PLBD1: variants seen among roughly 807,000 people sequenced by gnomAD.
PLBD1 encodes phospholipase B domain containing 1.
Under a neutral mutation model 63.0 loss-of-function variants are expected in PLBD1, and 60 were observed. The observed-to-expected ratio is 0.95, with a 90% CI of 0.77 to 1.18. The LOEUF (loss-of-function observed/expected upper bound fraction) is 1.18, where lower values mean the gene tolerates loss of function less well. Among genes scored for constraint, PLBD1 ranks in the 50% most tolerant of loss-of-function variants. PLBD1 has a pLI of 0.00. For synonymous variants in PLBD1, 262 were observed against 248.0 expected, an observed-to-expected ratio of 1.06 and a Z score of -0.53; for missense variants, 598 against 677.9, an observed-to-expected ratio of 0.88 and a Z score of 1.31.
At chr12:14,541,255 T>C (rs1409293856) in intron 3 of PLBD1, among the ~76,000 whole-genome samples, 2 of 152,308 alleles carry the variant, frequency 1.3e-5, no homozygotes, top group South Asian at 2.1e-4. Context: ...TAAAGGTAGG[T>C]TGATTCACCT....
In PLBD1 at chr12:14,564,099, G is replaced by C. The variant is rs1945763257; in HGVS notation, c.115+3483C>G. ...TACAAATAATTTTTTTTTTTAATTA[G>C]CCAAGTGTGGTGGTGTGCACCTGTA... On this transcript the variant is annotated intron_variant, in intron 1 of 10. Transcript: ENST00000240617. Among the ~76,000 whole-genome samples, 6 of 151,918 alleles carry C rather than the reference G, an allele frequency of 3.9e-5. No individual in the cohort carries two copies. The South Asian group carries it at 1.2e-3, about 32-fold the overall frequency.
At chr12:14,511,465 C>A (rs368743830) in intron 7 of PLBD1, 46 bp downstream of exon 7, 3 of 1,613,704 alleles carry the variant, frequency 1.9e-6, no homozygotes, top group Admixed American at 1.7e-5. Flanking sequence ...AAGCCTAAAT[C>A]AAAATATATG....
chr12:14,504,057 C>CTT, intron 10 of PLBD1, 103 bp from the exon 11 acceptor site: 2 of 1,148,794 alleles, frequency 1.7e-6, no homozygotes, highest in Non-Finnish European at 2.5e-6. Context: ...ACAATATTAG[C>CTT]TTTTTTTTTG....
chr12:14,566,021 C>A (rs991832296), intron 1 of PLBD1, among the ~76,000 whole-genome samples: 18 of 152,148 alleles, frequency 1.2e-4, no homozygotes, highest in Admixed American at 1.2e-3. Context: ...AGAAAAACAA[C>A]GCCTGTCTCA....
rs889746740 is a variant in PLBD1, at chr12:14,505,830, T to C, written c.1479+332A>G. Among the ~76,000 whole-genome samples, 5 of 152,340 alleles carry C rather than the reference T, an allele frequency of 3.3e-5. No homozygotes were observed. In the East Asian group the frequency reaches 9.6e-4, roughly 29 times the overall value. ...AATAACATCATTATGGTTGTATACA[T>C]TTACAAATAACTCACTAAGTGCTGT... is the stretch of plus-strand genomic sequence containing the variant. On this transcript the variant is annotated intron_variant, in intron 10 of 10. Transcript: ENST00000240617.
chr12:14,521,289 A>G (rs536375792), intron 6 of PLBD1, among the ~76,000 whole-genome samples: 55 of 152,222 alleles, frequency 3.6e-4, no homozygotes, highest in African/African-American at 1.3e-3. Context: ...GATCCTACCC[A>G]GCAGGAAGGC....
intron 2 of PLBD1, among the ~76,000 whole-genome samples, chr12:14,543,855 C>A (rs955515056): frequency 2.0e-5 from 3 of 152,044 alleles, no homozygotes; most frequent in African/African-American, 7.2e-5. Flanking sequence ...AAAGTATATC[C>A]TCTAACAGTT....
chr12:14,528,133 T>C (rs1239411494), intron 6 of PLBD1, among the ~76,000 whole-genome samples: 1 of 152,050 alleles, frequency 6.6e-6, no homozygotes, highest in Non-Finnish European at 1.5e-5. Flanking sequence ...AATTAATAAT[T>C]ATAGTGGAGG....
intron 6 of PLBD1, among the ~76,000 whole-genome samples, chr12:14,526,421 A>G (rs1945415910): frequency 6.6e-6 from 1 of 152,204 alleles, no homozygotes; most frequent in South Asian, 2.1e-4. Flanking sequence ...ATCTAGAAAG[A>G]CTTGGTAATG....
At position 14,553,382 on chromosome 12, in the gene PLBD1, G is replaced by A. The variant is rs1374422027; in HGVS notation, c.146C>T (p.Pro49Leu). The change falls in exon 2 of 11, where the codon CCT becomes CTT. Residue 49 changes from proline (P) to leucine (L), a missense_variant. Transcript: ENST00000240617. Reference sequence around the variant, plus strand: ...TTTGACTTGTACTGTCTTTTCAGCAGGCATCCAGTATGCAGTTGCATAGTA... The same window carrying A: ...TTTGACTTGTACTGTCTTTTCAGCAAGCATCCAGTATGCAGTTGCATAGTA... ...GVYYATAYWM[P>L]AEKTVQVKNV... 3 of 1,614,024 alleles carry A rather than the reference G, an allele frequency of 1.9e-6. No individual in the cohort carries two copies. Among genetic ancestry groups the A allele is most frequent in the African/African-American group, 2.7e-5 (2 of 74,910 alleles).
Position 14,531,835 on chromosome 12 carries a change from G to T in PLBD1, c.844+3824C>A, listed in dbSNP as rs187720815. The stretch of plus-strand genomic sequence containing the variant: ...TTTTGCAGAGACGGGCTCTTGCCAT[G>T]TTGCCCAGGTCTCAAACTCCTGAGC... On this transcript the variant is annotated intron_variant, in intron 6 of 10. Transcript: ENST00000240617. Among the ~76,000 whole-genome samples, 3 of 152,186 alleles carry T rather than the reference G, an allele frequency of 2.0e-5. No homozygotes were observed. In the East Asian group the frequency reaches 5.8e-4, roughly 29 times the overall value.
At position 14,542,198 on chromosome 12, in the gene PLBD1, T is replaced by C. The variant is rs1945577889; in HGVS notation, c.419+10A>G. The C allele has an allele frequency of 6.3e-7, 1 of 1,576,920 alleles. No individual in the cohort carries two copies. The highest frequency in any genetic ancestry group is 8.7e-7 in the Non-Finnish European group (1 of 1,146,210). On this transcript the variant is annotated intron_variant, in intron 3 of 10. Coordinates refer to ENST00000240617, the MANE Select transcript of PLBD1 (RefSeq NM_024829.6). ...TAAAACAATGAAAAGAGAAAAGCTA[T>C]TATACGTACTCCATAAAATCCTGCA... is the stretch of plus-strand genomic sequence containing the variant.
chr12:14,512,057 A>G (rs1195369165), intron 6 of PLBD1, among the ~76,000 whole-genome samples: 2 of 152,176 alleles, frequency 1.3e-5, no homozygotes, highest in African/African-American at 4.8e-5. Flanking sequence ...ATTTTTAATT[A>G]GGGAGGGGAT....
chr12:14,522,187 AAAT>A (rs1411904908), intron 6 of PLBD1, among the ~76,000 whole-genome samples: 2 of 152,174 alleles, frequency 1.3e-5, no homozygotes, highest in African/African-American at 4.8e-5. Flanking sequence ...AAGCTTCACA[AAAT>A]AATAGCAGAA....
At chr12:14,540,928 A>G in intron 3 of PLBD1, 26 bp from the exon 4 acceptor site, 1 of 1,576,824 alleles carries the variant, frequency 6.3e-7, no homozygotes, top group Non-Finnish European at 8.7e-7. Context: ...GATTTGCACC[A>G]CAGTCTCAAT....
chr12:14,516,318 C>T (rs936544453), intron 6 of PLBD1, among the ~76,000 whole-genome samples: 1 of 152,006 alleles, frequency 6.6e-6, no homozygotes, highest in Admixed American at 6.6e-5. Context: ...GACAGAGCGA[C>T]ACTCCATCTC....
chr12:14,532,364 G>C (rs541034440), intron 6 of PLBD1, among the ~76,000 whole-genome samples: 11 of 152,294 alleles, frequency 7.2e-5, no homozygotes, highest in South Asian at 6.2e-4. Context: ...GGGTGAGGAG[G>C]CCACGACAGG....
At chr12:14,526,262 CAACA>C (rs1945414900) in intron 6 of PLBD1, among the ~76,000 whole-genome samples, 1 of 152,146 alleles carries the variant, frequency 6.6e-6, no homozygotes, top group African/African-American at 2.4e-5. Context: ...AAAAGACATA[CAACA>C]AACACAAAAC....
chr12:14,540,053 T>TATATAC, intron 4 of PLBD1, among the ~76,000 whole-genome samples: 1 of 87,358 alleles, frequency 1.1e-5, no homozygotes, highest in African/African-American at 4.7e-5. Context: ...TATATATATA[T>TATATAC]ACACACACAC....
Sources: gnomAD v4.1 joint callset for allele counts (sites outside exome capture counted in the v4.1 genomes callset) on GRCh38, gnomAD v4.1.1 for gene constraint, MANE v1.5 for transcripts, NCBI Gene and HGNC (gene_info 2026-07-23, HGNC 2026-07-21) for gene names.